Variants in TG observed in about 807,000 individuals in gnomAD.
TG encodes the protein thyroid hormones.
In TG, 270 loss-of-function variants were observed where a neutral mutation model predicts 324.7. The observed-to-expected ratio is 0.83, with a 90% CI of 0.75 to 0.92. The LOEUF is 0.92. Ranked by LOEUF, TG falls within the 40% of genes least tolerant of loss-of-function variation. TG has a pLI of 0.00. For missense variants in TG, 3,591 were observed against 3,456.4 expected (o/e 1.04, Z -0.98); for synonymous variants, 1,401 against 1,327.0 (o/e 1.06, Z -1.21).
At position 133,036,467 on chromosome 8, in the gene TG, T is replaced by C. The variant is rs564154521; in HGVS notation, c.7239+6444T>C. Among the ~76,000 whole-genome samples the C allele has an allele frequency of 1.5e-4, 23 of 152,340 alleles. 1 individual carries two copies. The South Asian group carries it at 4.4e-3, about 29-fold the overall frequency. Reference sequence around the variant, plus strand: ...GCAGAAAATCTAGGCAGGACGTTTTTATAACAATCGTTCAGAATTTGGTGT... The same window carrying C: ...GCAGAAAATCTAGGCAGGACGTTTTCATAACAATCGTTCAGAATTTGGTGT... On this transcript the variant is annotated intron_variant, in intron 41 of 47. Coordinates refer to ENST00000220616, the MANE Select transcript of TG (RefSeq NM_003235.5).
At chr8:132,907,358 C>T (rs1818840647) in intron 17 of TG, among the ~76,000 whole-genome samples, 1 of 152,156 alleles carries the variant, frequency 6.6e-6, no homozygotes, top group Admixed American at 6.5e-5. Flanking sequence ...AGCAGGAGGC[C>T]CTGGACTCTG....
Position 133,096,208 on chromosome 8 carries a change from C to G in TG, c.7407C>G (p.Leu2469=), listed in dbSNP as rs778099377. 1 of 1,614,238 alleles carries G rather than the reference C, an allele frequency of 6.2e-7. No individual in the cohort carries two copies. The highest frequency in any genetic ancestry group is 1.1e-5 in the South Asian group (1 of 91,084). The change falls in exon 43 of 48, where the codon CTC becomes CTG. Residue 2469 remains leucine (L), a splice_region_variant and synonymous_variant. Coordinates refer to ENST00000220616, the MANE Select transcript of TG (RefSeq NM_003235.5). The stretch of plus-strand genomic sequence containing the variant: ...GATTATTGTTGCATCCAATGCAGCT[C>G]CTGGCCGTGAGTGGCCCTTTCCACT... ...ANVLNDAQTK[L]LAVSGPFHYW... is the part of the protein sequence containing the mutation.
chr8:132,917,082 C>CTTCCCTCCTTCA (rs1820442503), intron 20 of TG, among the ~76,000 whole-genome samples: 1 of 109,748 alleles, frequency 9.1e-6, no homozygotes, highest in Non-Finnish European at 1.9e-5. Flanking sequence ...TCCTTCCTTC[C>CTTCCCTCCTTCA]TTCCCTTACT....
intron 41 of TG, among the ~76,000 whole-genome samples, chr8:133,052,336 G>C (rs1840567698): frequency 6.6e-6 from 1 of 152,238 alleles, no homozygotes; most frequent in Admixed American, 6.5e-5. Flanking sequence ...ATTTGGGGAA[G>C]CTGAGTCCCT....
chr8:132,924,676 G>A (rs1344901422), intron 22 of TG, among the ~76,000 whole-genome samples: 3 of 152,182 alleles, frequency 2.0e-5, no homozygotes, highest in Non-Finnish European at 4.4e-5. Context: ...TGTCCTGTGG[G>A]ATCAGAAGTA....
At chr8:132,935,950 G>A (rs951594348) in intron 25 of TG, 86 bp downstream of exon 25, 6 of 1,048,790 alleles carry the variant, frequency 5.7e-6, no homozygotes, top group Non-Finnish European at 8.8e-6. Flanking sequence ...TGCATGTGAG[G>A]AGGAGCCAGA....
chr8:133,035,654 A>G (rs1037457011), intron 41 of TG, among the ~76,000 whole-genome samples: 1 of 152,102 alleles, frequency 6.6e-6, no homozygotes, highest in African/African-American at 2.4e-5. Flanking sequence ...GTTTCTTCTT[A>G]ATGTTTTGTT....
chr8:133,065,767 A>C (rs965260286), intron 41 of TG, among the ~76,000 whole-genome samples: 2 of 151,850 alleles, frequency 1.3e-5, no homozygotes, highest in Non-Finnish European at 2.9e-5. Context: ...CGTCTCAAAA[A>C]TAATAAAATA....
intron 22 of TG, among the ~76,000 whole-genome samples, chr8:132,928,403 C>T (rs2132520468): frequency 6.6e-6 from 1 of 152,242 alleles, no homozygotes; most frequent in East Asian, 1.9e-4. Flanking sequence ...GAATCTCATT[C>T]CTTGAGAGTT....
chr8:132,966,771 C>T, intron 30 of TG, 74 bp downstream of exon 30: 1 of 1,605,480 alleles, frequency 6.2e-7, no homozygotes. Context: ...TCTGGCAACT[C>T]CTGAGACACA....
At chr8:133,113,957 A>G (rs1850483392) in intron 44 of TG, among the ~76,000 whole-genome samples, 1 of 152,092 alleles carries the variant, frequency 6.6e-6, no homozygotes, top group Non-Finnish European at 1.5e-5. Context: ...GCTCAGGACA[A>G]CCTTCCACGC....
intron 10 of TG, among the ~76,000 whole-genome samples, chr8:132,890,518 C>T: frequency 6.6e-6 from 1 of 152,074 alleles, no homozygotes; most frequent in East Asian, 1.9e-4. Flanking sequence ...TACAATATTC[C>T]CAGGGGAATT....
chr8:133,020,899 G>A (rs948409308), intron 39 of TG, among the ~76,000 whole-genome samples: 1 of 152,200 alleles, frequency 6.6e-6, no homozygotes, highest in African/African-American at 2.4e-5. Flanking sequence ...GGGCCCCTTT[G>A]TAGAAACATC....
chr8:133,104,436 G>A (rs1391618312), intron 43 of TG, among the ~76,000 whole-genome samples: 1 of 152,174 alleles, frequency 6.6e-6, no homozygotes, highest in Non-Finnish European at 1.5e-5. Flanking sequence ...AAATCCAGGG[G>A]TTGAGCTAGT....
chr8:132,935,257 C>G (rs576831615), intron 24 of TG, among the ~76,000 whole-genome samples: 1 of 152,062 alleles, frequency 6.6e-6, no homozygotes, highest in African/African-American at 2.4e-5. Context: ...TCTCTCGCCT[C>G]AGCCTCCTGA....
At chr8:132,965,928 G>A (rs756664137) in intron 29 of TG, among the ~76,000 whole-genome samples, 2 of 152,240 alleles carry the variant, frequency 1.3e-5, no homozygotes, top group Non-Finnish European at 2.9e-5. Flanking sequence ...TCTGTAGGCA[G>A]TGGAGACTCC....
intron 41 of TG, among the ~76,000 whole-genome samples, chr8:133,067,863 A>AAAGGAAGG (rs1843267506): frequency 2.6e-5 from 2 of 76,418 alleles, no homozygotes. Flanking sequence ...AGAAAGAAAG[A>AAAGGAAGG]AAGAAAGGAA....
chr8:133,095,790 A>T (rs1459527040), intron 42 of TG, among the ~76,000 whole-genome samples: 1 of 152,146 alleles, frequency 6.6e-6, no homozygotes, highest in Non-Finnish European at 1.5e-5. Flanking sequence ...ATGAGTCTGG[A>T]CTCACAGAAT....
Position 133,116,637 on chromosome 8 carries a change from G to C in TG, c.7783G>C (p.Asp2595His). The change falls in exon 45 of 48, where the codon GAC (aspartate) becomes CAC (histidine). Residue 2595 changes from aspartate (D) to histidine (H), a missense_variant. Asp to His is a moderately conservative substitution (Grantham distance 81). Coordinates refer to ENST00000220616, the MANE Select transcript of TG (RefSeq NM_003235.5). ...RDYFIICPII[D>H]MASAWAKRAR... ...CTACTTTATCATCTGCCCTATAATCGACATGGCCAGTGCCTGGGCAAAGAG... is the reference window on the plus strand; with the variant it reads ...CTACTTTATCATCTGCCCTATAATCCACATGGCCAGTGCCTGGGCAAAGAG... 1 of 1,614,106 alleles carries C rather than the reference G, an allele frequency of 6.2e-7. No individual in the cohort carries two copies. Among genetic ancestry groups the C allele is most frequent in the Non-Finnish European group, 8.5e-7 (1 of 1,180,008 alleles).
Sources: gnomAD v4.1 joint callset for allele counts (sites outside exome capture counted in the v4.1 genomes callset) on GRCh38, gnomAD v4.1.1 for gene constraint, MANE v1.5 for transcripts, NCBI Gene and HGNC (gene_info 2026-07-23, HGNC 2026-07-21) for gene names.